Variants in DMD observed in about 807,000 individuals in gnomAD.
DMD encodes mutant dystrophin.
Under a neutral mutation model 330.1 loss-of-function variants are expected in DMD, and 63 were observed. That is an observed-to-expected ratio of 0.19 (90% confidence interval 0.16 to 0.24). The LOEUF is 0.24. DMD is among the 10% of genes least tolerant of loss of function. The probability of loss-of-function intolerance (pLI) is 1.00; values close to 1 mark genes in which losing one functional copy is unlikely to be tolerated. For synonymous variants in DMD, 1,223 were observed against 959.8 expected, an observed-to-expected ratio of 1.27 and a Z score of -5.07; for missense variants, 3,344 against 2,684.1, an observed-to-expected ratio of 1.25 and a Z score of -5.43.
At chrX:31,435,918 T>G (rs1267585585) in intron 60 of DMD, among the ~76,000 whole-genome samples, 2 of 111,041 alleles carry the variant, frequency 1.8e-5, no homozygotes, top group African/African-American at 6.6e-5. Flanking sequence ...CAAGAACACT[T>G]ACAAGAACAA....
chrX:31,986,044 G>A (rs1428015403), intron 44 of DMD, among the ~76,000 whole-genome samples: 1 of 111,200 alleles, frequency 9.0e-6, no homozygotes, highest in Non-Finnish European at 1.9e-5. Flanking sequence ...AAACGAGAAT[G>A]GTTGGAGCCC....
At chrX:31,930,234 T>C (rs1219325669) in intron 46 of DMD, among the ~76,000 whole-genome samples, 19 of 110,997 alleles carry the variant, frequency 1.7e-4, no homozygotes, top group Non-Finnish European at 3.6e-4. Flanking sequence ...TTTATTATCT[T>C]AGTTTATCTT....
Position 32,868,696 on chromosome X carries a change from G to A in DMD, c.94-18876C>T, listed in dbSNP as rs1056772556. ...CATCCCTCCTCACTGGGCAGGGCCT[G>A]CTTGCAGGAATTCCAGTAACTCCAG... is the stretch of plus-strand genomic sequence containing the variant. On this transcript the variant is annotated intron_variant, in intron 2 of 78. Coordinates refer to ENST00000357033, the MANE Select transcript of DMD (RefSeq NM_004006.3). 7.1e-5 allele frequency among the ~76,000 whole-genome samples: 8 copies of A among 112,584 alleles called. No individual in the cohort carries two copies. In the South Asian group the frequency reaches 1.8e-3, roughly 26 times the overall value.
chrX:31,356,683 T>C (rs777307843), intron 60 of DMD, among the ~76,000 whole-genome samples: 1 of 112,384 alleles, frequency 8.9e-6, no homozygotes, highest in East Asian at 2.8e-4. Context: ...TGGATGTTTG[T>C]TTATTGGTTT....
In DMD at chrX:31,807,607, G is replaced by A. The variant is rs1031563797; in HGVS notation, c.7309+12368C>T. Among the ~76,000 whole-genome samples the A allele has an allele frequency of 3.6e-5, 4 of 111,750 alleles. No individual in the cohort carries two copies. The Admixed American group carries it at 3.8e-4, about 11-fold the overall frequency. On this transcript the variant is annotated intron_variant, in intron 50 of 78. Transcript: ENST00000357033. ...ATTTCTTCATATTGAAACCACTTCC[G>A]TAACTCTGAGGTTATAGTATTAAGC...
intron 62 of DMD, among the ~76,000 whole-genome samples, chrX:31,293,404 A>G (rs1464894537): frequency 1.8e-5 from 2 of 111,483 alleles, no homozygotes; most frequent in African/African-American, 6.6e-5. Context: ...GATTCAATCA[A>G]CTTATTTTTT....
At chrX:31,786,388 C>T (rs940287634) in intron 50 of DMD, among the ~76,000 whole-genome samples, 3 of 111,113 alleles carry the variant, frequency 2.7e-5, no homozygotes, top group Non-Finnish European at 3.8e-5. Flanking sequence ...TTTAAAATTC[C>T]CTTCTGAGTT....
intron 5 of DMD, among the ~76,000 whole-genome samples, 196 bp downstream of exon 5, chrX:32,823,099 A>T (rs1014283887): frequency 8.9e-6 from 1 of 111,944 alleles, no homozygotes; most frequent in South Asian, 3.7e-4. Flanking sequence ...ATATTCCTGT[A>T]AATGTACCAG....
chrX:32,323,115 T>C (rs911584783), intron 41 of DMD, among the ~76,000 whole-genome samples: 1 of 112,026 alleles, frequency 8.9e-6, no homozygotes, highest in South Asian at 3.6e-4. Context: ...GACATTTTTA[T>C]TGCCATTATT....
At chrX:32,382,551 C>T (rs1603632168) in intron 33 of DMD, among the ~76,000 whole-genome samples, 1 of 110,285 alleles carries the variant, frequency 9.1e-6, no homozygotes, top group African/African-American at 3.3e-5. Context: ...GAGAGGTGTG[C>T]GTACATTTAG....
chrX:32,530,468 T>C (rs1044386193), intron 17 of DMD, among the ~76,000 whole-genome samples: 11 of 112,527 alleles, frequency 9.8e-5, no homozygotes, highest in Admixed American at 7.5e-4. Flanking sequence ...TGGTATTAAA[T>C]CTTAATCATT....
intron 1 of DMD, among the ~76,000 whole-genome samples, chrX:33,236,197 T>C (rs1022627840): frequency 9.2e-5 from 10 of 108,790 alleles, no homozygotes; most frequent in African/African-American, 3.3e-4. Context: ...ATTACAGGTG[T>C]GAGCCACTGC....
chrX:32,510,618 G>GT (rs1569565042), intron 18 of DMD, among the ~76,000 whole-genome samples: 1 of 111,253 alleles, frequency 9.0e-6, no homozygotes, highest in Non-Finnish European at 1.9e-5. Context: ...CTATTTTAGC[G>GT]TAACGCGTCC....
intron 60 of DMD, among the ~76,000 whole-genome samples, chrX:31,428,286 T>C (rs1285248582): frequency 9.0e-6 from 1 of 110,892 alleles, no homozygotes; most frequent in East Asian, 2.8e-4. Context: ...GGGATCTGAC[T>C]GTTTAAAAGA....
intron 47 of DMD, among the ~76,000 whole-genome samples, chrX:31,918,112 G>C (rs754667263): frequency 8.9e-6 from 1 of 112,765 alleles, no homozygotes; most frequent in Admixed American, 9.4e-5. Flanking sequence ...GTGATGGCAC[G>C]TGGATCTTTA....
chrX:32,107,222 C>T (rs183101322), intron 44 of DMD, among the ~76,000 whole-genome samples: 41 of 110,374 alleles, frequency 3.7e-4, no homozygotes, highest in African/African-American at 5.3e-4. Context: ...TGGAGGATTA[C>T]GCTCTTGGCC....
intron 62 of DMD, among the ~76,000 whole-genome samples, chrX:31,291,234 C>T (rs2053667963): frequency 9.1e-6 from 1 of 109,514 alleles, no homozygotes; most frequent in Admixed American, 9.7e-5. Context: ...TTTGATTAGC[C>T]CACACAGTTT....
intron 44 of DMD, among the ~76,000 whole-genome samples, chrX:32,029,082 C>A (rs763293312): frequency 5.7e-4 from 63 of 110,725 alleles, no homozygotes; most frequent in Non-Finnish European, 8.5e-4. Flanking sequence ...CTGAGGTTCA[C>A]GGATAGTAAA....
chrX:31,688,903 T>C (rs1348559600), intron 52 of DMD, among the ~76,000 whole-genome samples: 1 of 111,945 alleles, frequency 8.9e-6, no homozygotes, highest in Admixed American at 9.5e-5. Context: ...GAAAAGGCCC[T>C]TGACCAAATT....
Sources: allele counts gnomAD v4.1 joint callset (sites outside exome capture counted in the v4.1 genomes callset), GRCh38; gene constraint gnomAD v4.1.1; transcripts MANE v1.5; gene names NCBI Gene and HGNC (gene_info 2026-07-23, HGNC 2026-07-21).